The following CARD19 variants were observed in gnomAD, a reference collection of about 807,000 sequenced individuals.
The protein encoded by CARD19 is caspase recruitment domain-containing protein 19.
A neutral mutation model predicts 24.1 loss-of-function variants in CARD19; 25 were observed. The ratio of observed to expected loss-of-function variants is 1.04; its 90% CI spans 0.76 to 1.45. The LOEUF (loss-of-function observed/expected upper bound fraction) is 1.45. CARD19 is among the 40% of genes most tolerant of loss of function. The pLI is 0.00. For synonymous variants in CARD19, 103 were observed against 104.9 expected, an observed-to-expected ratio of 0.98 and a Z score of 0.11; for missense variants, 241 against 247.4, an observed-to-expected ratio of 0.97 and a Z score of 0.17.
At chr9:93,107,632 C>T in intron 1 of CARD19, 42 bp from the exon 2 acceptor site, 1 of 1,611,692 alleles carries the variant, frequency 6.2e-7, no homozygotes, top group Non-Finnish European at 8.5e-7. Flanking sequence ...CTCTGGTCCC[C>T]TTGGGCTGTG....
rs1452658920 is a variant in CARD19 at position 93,111,867 on chromosome 9, T to A, written c.305-12T>A. On this transcript the variant is annotated splice_polypyrimidine_tract_variant and intron_variant, in intron 3 of 5. Transcript: ENST00000375464. The stretch of plus-strand genomic sequence containing the variant: ...CCCGTTGACTAACTATGCTCTGTGG[T>A]TTTGTTTCCAGAGAACTCAGATTGC... The A allele has an allele frequency of 1.2e-6, 2 of 1,611,392 alleles. No individual in the cohort carries two copies. The highest frequency in any genetic ancestry group is 3.3e-5 in the Admixed American group (2 of 59,952).
intron 1 of CARD19, among the ~76,000 whole-genome samples, chr9:93,103,795 G>A (rs1306616066): frequency 1.3e-5 from 2 of 152,216 alleles, no homozygotes; most frequent in Non-Finnish European, 2.9e-5. Flanking sequence ...AAGGGCTAGA[G>A]AGAATGAGAG....
At chr9:93,111,180 C>T (rs1393769111) in intron 3 of CARD19, 1 of 1,194,254 alleles carries the variant, frequency 8.4e-7, no homozygotes, top group Admixed American at 3.6e-5. Flanking sequence ...TGGGTGTTTC[C>T]ATAGGACATT....
intron 1 of CARD19, among the ~76,000 whole-genome samples, chr9:93,106,586 A>C (rs1241357948): frequency 6.6e-6 from 1 of 151,774 alleles, no homozygotes; most frequent in African/African-American, 2.4e-5. Flanking sequence ...ACAAAAAAAA[A>C]AAAACAAAGT....
intron 1 of CARD19, among the ~76,000 whole-genome samples, chr9:93,106,132 C>T (rs1009497983): frequency 6.6e-6 from 1 of 152,082 alleles, no homozygotes; most frequent in Non-Finnish European, 1.5e-5. Context: ...ATAGTTACCT[C>T]ATCTCTCTTT....
intron 5 of CARD19, among the ~76,000 whole-genome samples, chr9:93,112,755 G>A (rs911815847): frequency 1.1e-4 from 16 of 152,204 alleles, no homozygotes; most frequent in African/African-American, 3.9e-4. Flanking sequence ...GGCTTACTGG[G>A]TGAGGGGACA....
intron 2 of CARD19, among the ~76,000 whole-genome samples, chr9:93,108,333 A>G (rs1487581048): frequency 1.3e-5 from 2 of 151,928 alleles, no homozygotes; most frequent in African/African-American, 2.4e-5. Context: ...TAATTTCTAT[A>G]TTACTGTACG....
intron 1 of CARD19, among the ~76,000 whole-genome samples, chr9:93,103,749 G>T (rs1384699451): frequency 6.6e-6 from 1 of 152,204 alleles, no homozygotes; most frequent in African/African-American, 2.4e-5. Flanking sequence ...ATCTGGTGAG[G>T]GTCTTCTTGC....
Position 93,107,720 on chromosome 9 carries a change from A to G in CARD19, c.54A>G (p.Thr18=), listed in dbSNP as rs1287177667. 1 of 1,614,136 alleles carries G rather than the reference A, an allele frequency of 6.2e-7. No homozygotes were observed. The highest frequency in any genetic ancestry group is 1.7e-5 in the Admixed American group (1 of 60,008). ...DRLVQDTPFL[T]GHGRLSEQQV... ...TGGTGCAGGACACGCCTTTCCTGAC[A>G]GGCCATGGGCGCTTGAGTGAGCAGC... Residue 18 remains threonine, a synonymous_variant, in exon 2 of 6, where the codon ACA becomes ACG. Transcript: ENST00000375464.
At chr9:93,112,735 C>G (rs997746077) in intron 5 of CARD19, among the ~76,000 whole-genome samples, 1 of 152,202 alleles carries the variant, frequency 6.6e-6, no homozygotes, top group Non-Finnish European at 1.5e-5. Context: ...CTGAGTTTGT[C>G]GTGCTGGGAG....
At chr9:93,111,017 C>T (rs1827460994) in intron 3 of CARD19, 12 of 1,460,786 alleles carry the variant, frequency 8.2e-6, no homozygotes, top group Non-Finnish European at 1.0e-5. Flanking sequence ...TCCACTCTTG[C>T]CCTTCCTTTT....
chr9:93,106,287 G>T (rs1043446493), intron 1 of CARD19, among the ~76,000 whole-genome samples: 1 of 151,788 alleles, frequency 6.6e-6, no homozygotes, highest in African/African-American at 2.4e-5. Context: ...CTTTTGATAG[G>T]AAAATTTGGC....
intron 2 of CARD19, 145 bp downstream of exon 2, chr9:93,107,961 A>AT: frequency 8.9e-7 from 1 of 1,127,470 alleles, no homozygotes; most frequent in Non-Finnish European, 1.3e-6. Context: ...ACACATCTGG[A>AT]CCTGGCTACT....
At chr9:93,109,461 A>G (rs1827381046) in intron 2 of CARD19, among the ~76,000 whole-genome samples, 1 of 133,070 alleles carries the variant, frequency 7.5e-6, no homozygotes, top group African/African-American at 2.6e-5. Flanking sequence ...AAAAGAGCCA[A>G]TACTTCTGTC....
At chr9:93,101,529 G>A (rs576077238) in intron 1 of CARD19, among the ~76,000 whole-genome samples, 58 of 150,522 alleles carry the variant, frequency 3.9e-4, no homozygotes, top group African/African-American at 1.2e-3. Context: ...AACCTCTACC[G>A]TCCGGGTTGA....
At chr9:93,107,016 GA>G (rs749841220) in intron 1 of CARD19, among the ~76,000 whole-genome samples, 20 of 151,962 alleles carry the variant, frequency 1.3e-4, no homozygotes, top group Non-Finnish European at 2.6e-4. Flanking sequence ...AAAGGCAAAT[GA>G]AAAGCATTTC....
intron 1 of CARD19, among the ~76,000 whole-genome samples, chr9:93,106,479 A>G (rs896177953): frequency 2.0e-5 from 3 of 151,260 alleles, no homozygotes; most frequent in African/African-American, 7.3e-5. Context: ...TCCCAGGAAG[A>G]ATTGCTTGAA....
At chr9:93,099,496 A>G (rs1827000409) in intron 1 of CARD19, among the ~76,000 whole-genome samples, 1 of 152,084 alleles carries the variant, frequency 6.6e-6, no homozygotes, top group South Asian at 2.1e-4. Context: ...TAGTTTCCCT[A>G]CCTGAAAATG....
rs1405870520 is a variant in CARD19, at chr9:93,112,253, G to T, written c.400G>T (p.Val134Leu). 13 of 1,544,994 alleles carry T rather than the reference G, an allele frequency of 8.4e-6. No individual in the cohort carries two copies. The highest frequency in any genetic ancestry group is 1.1e-5 in the Non-Finnish European group (13 of 1,147,058). Residue 134 changes from valine to leucine, a missense_variant, in exon 5 of 6, where the codon GTG becomes TTG. Val to Leu is a conservative substitution (Grantham distance 32, BLOSUM62 1). Transcript: ENST00000375464. ...MSFLAGLGLA[V>L]GLALLLYCYP... ...CTTCCTGGCTGGCCTGGGCCTTGCT[G>T]TGGGACTGGCCCTGCTCCTGTACTG...
Sources: gnomAD v4.1 joint callset for allele counts (sites outside exome capture counted in the v4.1 genomes callset) on GRCh38, gnomAD v4.1.1 for gene constraint, MANE v1.5 for transcripts, NCBI Gene and HGNC (gene_info 2026-07-23, HGNC 2026-07-21) for gene names.